The following AKR1B15 variants were observed in gnomAD, a reference collection of about 807,000 sequenced individuals.
AKR1B15 encodes estradiol 17-beta-dehydrogenase AKR1B15.
AKR1B15 carries 49 observed loss-of-function variants against 38.5 expected under a neutral mutation model. The observed-to-expected ratio is 1.27, with a 90% CI of 1.01 to 1.62. The LOEUF (loss-of-function observed/expected upper bound fraction) is 1.62. AKR1B15 is among the 40% of genes most tolerant of loss of function. The pLI is 0.00. For missense variants in AKR1B15, 411 were observed against 381.6 expected, an observed-to-expected ratio of 1.08 and a Z score of -0.64; for synonymous variants, 137 against 135.5, an observed-to-expected ratio of 1.01 and a Z score of -0.08.
chr7:134,576,015 T>C, intron 8 of AKR1B15, 88 bp downstream of exon 8: 1 of 1,522,466 alleles, frequency 6.6e-7, no homozygotes, highest in Non-Finnish European at 8.8e-7. Flanking sequence ...GTCCATAAGT[T>C]ACTGGAAAGA....
intron 9 of AKR1B15, among the ~76,000 whole-genome samples, chr7:134,576,662 A>C (rs1427044491): frequency 6.6e-6 from 1 of 151,886 alleles, no homozygotes; most frequent in Non-Finnish European, 1.5e-5. Flanking sequence ...GCCCAGTGGC[A>C]AAGCATGGCT....
intron 2 of AKR1B15, 73 bp from the exon 3 acceptor site, chr7:134,564,525 T>C (rs1399210914): frequency 1.2e-5 from 7 of 571,232 alleles, no homozygotes; most frequent in East Asian, 3.2e-5. Context: ...CTAGGTCCCA[T>C]GAAAGCCATC....
intron 1 of AKR1B15, among the ~76,000 whole-genome samples, chr7:134,552,043 A>G (rs1794001457): frequency 6.6e-6 from 1 of 152,140 alleles, no homozygotes; most frequent in Non-Finnish European, 1.5e-5. Flanking sequence ...AGTGTCTAAT[A>G]AAAAGGTTGC....
At chr7:134,555,126 A>T (rs967694919) in intron 1 of AKR1B15, among the ~76,000 whole-genome samples, 1 of 152,174 alleles carries the variant, frequency 6.6e-6, no homozygotes, top group African/African-American at 2.4e-5. Flanking sequence ...AAGCTAAAGG[A>T]TACCCATTTA....
At chr7:134,576,226 C>T (rs1299484648) in intron 8 of AKR1B15, 123 bp from the exon 9 acceptor site, 38 of 1,145,948 alleles carry the variant, frequency 3.3e-5, no homozygotes, top group Non-Finnish European at 4.4e-5. Context: ...GCTTCCAGGT[C>T]CTCCTGCCTG....
intron 1 of AKR1B15, among the ~76,000 whole-genome samples, chr7:134,551,511 T>C (rs774872400): frequency 1.6e-4 from 24 of 152,174 alleles, no homozygotes; most frequent in Non-Finnish European, 2.9e-4. Context: ...AGAGGGACCA[T>C]ATCTGAAGAG....
intron 3 of AKR1B15, among the ~76,000 whole-genome samples, chr7:134,565,957 G>A (rs1289373727): frequency 6.6e-6 from 1 of 152,110 alleles, no homozygotes; most frequent in Non-Finnish European, 1.5e-5. Context: ...TCACCATGTG[G>A]GACTTGGGCT....
intron 10 of AKR1B15, 112 bp downstream of exon 10, chr7:134,577,158 C>G (rs1238877627): frequency 3.6e-6 from 4 of 1,112,098 alleles, no homozygotes; most frequent in African/African-American, 1.6e-5. Context: ...CCCTCCTTCC[C>G]CACCACCCTA....
At chr7:134,553,413 G>A (rs151223014) in intron 1 of AKR1B15, among the ~76,000 whole-genome samples, 1 of 152,124 alleles carries the variant, frequency 6.6e-6, no homozygotes, top group African/African-American at 2.4e-5. Context: ...CGCTAAAGGG[G>A]TACTTACTCA....
At chr7:134,556,650 A>T (rs1370068751) in intron 1 of AKR1B15, 86 bp from the exon 2 acceptor site, 1 of 151,832 alleles carries the variant, frequency 6.6e-6, no homozygotes, top group African/African-American at 2.4e-5. Context: ...TCTCCTATGC[A>T]TGTTGATTCA....
At chr7:134,551,003 T>C (rs1471215546) in intron 1 of AKR1B15, among the ~76,000 whole-genome samples, 1 of 152,156 alleles carries the variant, frequency 6.6e-6, no homozygotes, top group Non-Finnish European at 1.5e-5. Context: ...CCTTCATGGC[T>C]CCACTCGTGA....
In AKR1B15 at chr7:134,568,294, T is replaced by C. The variant is rs1794588187; in HGVS notation, c.287T>C (p.Val96Ala). 8.7e-6 allele frequency: 14 copies of C among 1,614,014 alleles called. No homozygotes were observed. In the South Asian group the frequency reaches 8.8e-5, roughly 10 times the overall value. Residue 96 changes from valine to alanine, a missense_variant, in exon 4 of 12, where the codon GTG becomes GCG. Coordinates refer to ENST00000457545, the MANE Select transcript of AKR1B15 (RefSeq NM_001080538.3). ...AIQEKIQEKA[V>A]MREDLFIVSK... is the part of the protein sequence containing the mutation. ...CAAGAGAAGATCCAAGAGAAGGCTG[T>C]GATGCGGGAGGACCTGTTCATCGTC... is the stretch of plus-strand genomic sequence containing the variant.
chr7:134,569,542 C>A lies in AKR1B15; in HGVS notation c.435+13C>A. 2 of 1,613,672 alleles carry A rather than the reference C, an allele frequency of 1.2e-6. No homozygotes were observed. The highest frequency in any genetic ancestry group is 1.7e-6 in the Non-Finnish European group (2 of 1,179,684). On this transcript the variant is annotated intron_variant, in intron 5 of 11. Coordinates refer to ENST00000457545, the MANE Select transcript of AKR1B15 (RefSeq NM_001080538.3). ...ACAGGGATTCAAGGTTTGAGTGACT[C>A]CCTTTCTCAGCCTCTAGTTTCTGAG...
chr7:134,565,344 T>C (rs1187749069), intron 3 of AKR1B15: 4 of 1,380,292 alleles, frequency 2.9e-6, no homozygotes, highest in Non-Finnish European at 4.0e-6. Context: ...CTTTAACAGC[T>C]GTAACACACA....
chr7:134,553,273 C>T (rs117801510), intron 1 of AKR1B15, among the ~76,000 whole-genome samples: 237 of 152,304 alleles, frequency 1.6e-3, no homozygotes, highest in Admixed American at 3.3e-3. Flanking sequence ...GGGAATACCC[C>T]GCTGGTTTGG....
chr7:134,556,359 C>G (rs912062857), intron 1 of AKR1B15, among the ~76,000 whole-genome samples: 1 of 152,128 alleles, frequency 6.6e-6, no homozygotes, highest in Non-Finnish European at 1.5e-5. Flanking sequence ...AAAGGCCAAA[C>G]CCCCATATTA....
intron 11 of AKR1B15, among the ~76,000 whole-genome samples, chr7:134,578,470 G>T (rs907104636): frequency 2.0e-5 from 3 of 152,216 alleles, no homozygotes; most frequent in African/African-American, 7.2e-5. Context: ...GCCTCTTAAA[G>T]GAGGTGGTGC....
At chr7:134,564,032 G>A (rs1443865182) in intron 2 of AKR1B15, among the ~76,000 whole-genome samples, 1 of 152,090 alleles carries the variant, frequency 6.6e-6, no homozygotes, top group East Asian at 1.9e-4. Flanking sequence ...TGCAACCTTA[G>A]TCTTCCTATG....
chr7:134,558,612 G>A (rs886356138), intron 2 of AKR1B15, among the ~76,000 whole-genome samples: 1 of 152,142 alleles, frequency 6.6e-6, no homozygotes, highest in Non-Finnish European at 1.5e-5. Context: ...CTTAGTTTTA[G>A]AAACTCGATT....
Sources: gnomAD v4.1 joint callset for allele counts (sites outside exome capture counted in the v4.1 genomes callset) on GRCh38, gnomAD v4.1.1 for gene constraint, MANE v1.5 for transcripts, NCBI Gene and HGNC (gene_info 2026-07-23, HGNC 2026-07-21) for gene names.